Variants in SLC2A4 observed in about 807,000 individuals in gnomAD.
SLC2A4 encodes the protein solute carrier family 2, facilitated glucose transporter member 4.
In SLC2A4, 31 loss-of-function variants were observed where a neutral mutation model predicts 53.3. The observed-to-expected ratio is 0.58, with a 90% CI of 0.44 to 0.78. The LOEUF (loss-of-function observed/expected upper bound fraction) is 0.78. Among genes scored for constraint, SLC2A4 ranks in the 30% least tolerant of loss-of-function variants. SLC2A4 has a pLI of 0.00. For missense variants in SLC2A4, 538 were observed against 655.7 expected (o/e 0.82, Z 1.96); for synonymous variants, 276 against 281.9 (o/e 0.98, Z 0.21).
At position 7,284,190 on chromosome 17, in the gene SLC2A4, G is replaced by C; in HGVS notation, c.565-27G>C. 1 of 1,611,490 alleles carries C rather than the reference G, an allele frequency of 6.2e-7. No homozygotes were observed. The highest frequency in any genetic ancestry group is 8.5e-7 in the Non-Finnish European group (1 of 1,179,926). On this transcript the variant is annotated intron_variant, in intron 5 of 10. Transcript: ENST00000317370. This position sits in a 1 kb window ranked among gnomAD's most constrained non-coding sequence, Gnocchi z 7.5. ...GTAAGGCAGAAGGGCTGAGTGACCT[G>C]CCTTCTTTCCCAACCTTCTCCCACA...
rs1181303492 is a variant in SLC2A4, at chr17:7,287,528, G to A, written c.*899G>A. On this transcript the variant is annotated 3_prime_UTR_variant, in exon 11 of 11. Transcript: ENST00000317370. ...AACAGGAAAGTATGTGCCCATGTGT[G>A]GCAAGATGGAAGGACGGCAGGCTCC... 1 of 152,254 alleles carries A rather than the reference G, an allele frequency of 6.6e-6. No homozygotes were observed. The highest frequency in any genetic ancestry group is 2.4e-5 in the African/African-American group (1 of 41,456). 9.4% of individuals were successfully genotyped at this position (152,254 alleles called of 1,614,324 possible). A position where few individuals can be genotyped will look rare whatever the true frequency, so the allele number is the denominator to read the frequency against.
In SLC2A4 at chr17:7,284,083, C is replaced by A. The variant is rs145632483; in HGVS notation, c.558C>A (p.Ile186=). The change falls in exon 5 of 11, where the codon ATC becomes ATA. Residue 186 remains isoleucine (I), a synonymous_variant. Coordinates refer to ENST00000317370, the MANE Select transcript of SLC2A4 (RefSeq NM_001042.3). The surrounding 1 kb of genome is among the most constrained non-coding windows in gnomAD (Gnocchi z 7.5). ...NQLAIVIGIL[I]AQVLGLESLL... ...TGGCCATTGTTATCGGCATTCTGATCGCCCAGGTGACCGGAGCAAGCCTCA... is the reference window on the plus strand; with the variant it reads ...TGGCCATTGTTATCGGCATTCTGATAGCCCAGGTGACCGGAGCAAGCCTCA... 2.7e-5 allele frequency: 43 copies of A among 1,613,508 alleles called. No homozygotes were observed. The highest frequency in any genetic ancestry group is 3.6e-5 in the Non-Finnish European group (43 of 1,179,704).
rs1567602327 is a variant in SLC2A4, at chr17:7,284,715, G to C, written c.915+43G>C. On this transcript the variant is annotated intron_variant, in intron 7 of 10. Coordinates refer to ENST00000317370, the MANE Select transcript of SLC2A4 (RefSeq NM_001042.3). This position sits in a 1 kb window ranked among gnomAD's most constrained non-coding sequence, Gnocchi z 7.5. ...TCCAGGCAGGGCACAGCCCCGGGAG[G>C]GTAGACGAGAGTGGGGAGCAAACCC... The C allele has an allele frequency of 1.9e-6, 3 of 1,612,394 alleles. 1 individual carries two copies. In the South Asian group the frequency reaches 3.3e-5, roughly 18 times the overall value.
rs1445615070 is a variant in SLC2A4, at chr17:7,281,874, G to A, written c.-61G>A. On this transcript the variant is annotated 5_prime_UTR_variant, in exon 1 of 11. Transcript: ENST00000317370. ...TTCTGCGCTCCAGGCCGGAGTCAGA[G>A]ACTCCAGGATCGGTTCTTTCATCTT... 5 of 1,549,064 alleles carry A rather than the reference G, an allele frequency of 3.2e-6. No individual in the cohort carries two copies. In the East Asian group the frequency reaches 1.2e-4, roughly 37 times the overall value.
rs1320081767 is a variant in SLC2A4, at chr17:7,285,090, G to A, written c.1023G>A (p.Val341=). ...TCAAGCTCCGACTCTCCCCGCAGGT[G>A]TTGTTGGTGGAGCGGGCGGGGCGCC... The part of the protein sequence containing the change: ...VVNTVFTLVS[V]LLVERAGRRT... The change falls in exon 9 of 11, where the codon GTG becomes GTA. Residue 341 remains valine, a splice_region_variant and synonymous_variant. Coordinates refer to ENST00000317370, the MANE Select transcript of SLC2A4 (RefSeq NM_001042.3). This position sits in a 1 kb window ranked among gnomAD's most constrained non-coding sequence, Gnocchi z 6.0. 1.9e-6 allele frequency: 3 copies of A among 1,606,962 alleles called. No individual in the cohort carries two copies. The highest frequency in any genetic ancestry group is 2.2e-5 in the South Asian group (2 of 90,444).
At position 7,285,709 on chromosome 17, in the gene SLC2A4, G is replaced by A. The variant is rs778451601; in HGVS notation, c.1127G>A (p.Arg376Gln). 2.6e-5 allele frequency: 42 copies of A among 1,614,056 alleles called. No individual in the cohort carries two copies. The highest frequency in any genetic ancestry group is 1.8e-4 in the East Asian group (8 of 44,896). The change falls in exon 10 of 11, where the codon CGA (arginine) becomes CAA (glutamine). Residue 376 changes from arginine to glutamine, a missense_variant. By Grantham distance (43) the Arg-to-Gln change is conservative (BLOSUM62 1). Coordinates refer to ENST00000317370, the MANE Select transcript of SLC2A4 (RefSeq NM_001042.3). The surrounding 1 kb of genome is among the most constrained non-coding windows in gnomAD (Gnocchi z 6.0). ...CCCTCCCTGTCTGGCCCCTAGGAGC[G>A]AGTTCCAGCCATGAGCTACGTCTCC... ...LMTVALLLLE[R>Q]VPAMSYVSIV...
rs2072425135 is a variant in SLC2A4, at chr17:7,283,916, T to C, written c.448+54T>C. The stretch of plus-strand genomic sequence containing the variant: ...GCGCCCTGTTCTCTTTCACCATGCC[T>C]GGGCTTTCAGATGGGAATGGACACC... On this transcript the variant is annotated intron_variant, in intron 4 of 10. Transcript: ENST00000317370. The surrounding 1 kb of genome is among the most constrained non-coding windows in gnomAD (Gnocchi z 5.8). 2 of 1,613,818 alleles carry C rather than the reference T, an allele frequency of 1.2e-6. No individual in the cohort carries two copies. Among genetic ancestry groups the C allele is most frequent in the South Asian group, 1.1e-5 (1 of 91,080 alleles).
At position 7,284,443 on chromosome 17, in the gene SLC2A4, CT is replaced by C. The variant is rs753016766; in HGVS notation, c.728-40del. 65 of 1,613,898 alleles carry C rather than the reference CT, an allele frequency of 4.0e-5. 1 individual carries two copies. The South Asian group carries it at 6.4e-4, about 16-fold the overall frequency. ...TCCGCCTCATCTTGCTAGCACCTGG[CT>C]TCCTCTCAGGTCCCCTCAGGCCTGA... On this transcript the variant is annotated intron_variant, in intron 6 of 10. Transcript: ENST00000317370. The surrounding 1 kb of genome is among the most constrained non-coding windows in gnomAD (Gnocchi z 7.5).
chr17:7,283,019 G>T lies in SLC2A4; in HGVS notation c.34-226G>T. 1 of 569,830 alleles carries T rather than the reference G, an allele frequency of 1.8e-6. No homozygotes were observed. The highest frequency in any genetic ancestry group is 1.8e-5 in the South Asian group (1 of 54,162). 35.3% of individuals were successfully genotyped at this position (569,830 alleles called of 1,614,324 possible). On this transcript the variant is annotated intron_variant, in intron 1 of 10. Transcript: ENST00000317370. The surrounding 1 kb of genome is among the most constrained non-coding windows in gnomAD (Gnocchi z 5.8). ...GAGACAAGTTCTCAAACATTTCTCT[G>T]CCTTATGGACCCAAACATCCAGTTT...
Position 7,283,967 on chromosome 17 carries a change from C to T in SLC2A4, c.449-7C>T, listed in dbSNP as rs373398327. ...TGCCCTCAGCCCTCTCTTCTTCCCT[C>T]GCCCAGGGCTGACATCAGGGCTGGT... On this transcript the variant is annotated splice_region_variant and splice_polypyrimidine_tract_variant and intron_variant, in intron 4 of 10. Coordinates refer to ENST00000317370, the MANE Select transcript of SLC2A4 (RefSeq NM_001042.3). This position sits in a 1 kb window ranked among gnomAD's most constrained non-coding sequence, Gnocchi z 5.8. The T allele has an allele frequency of 2.5e-6, 4 of 1,613,226 alleles. No homozygotes were observed. The highest frequency in any genetic ancestry group is 3.4e-6 in the Non-Finnish European group (4 of 1,179,362).
Position 7,281,908 on chromosome 17 carries a change from C to G in SLC2A4, c.-27C>G, listed in dbSNP as rs751290934. On this transcript the variant is annotated 5_prime_UTR_variant, in exon 1 of 11. Coordinates refer to ENST00000317370, the MANE Select transcript of SLC2A4 (RefSeq NM_001042.3). The stretch of plus-strand genomic sequence containing the variant: ...ATCGGTTCTTTCATCTTCGCCGCCC[C>G]TGCGCGTCCAGCTCTTCTAAGACGA... The G allele has an allele frequency of 1.3e-6, 2 of 1,593,424 alleles. No individual in the cohort carries two copies. Among genetic ancestry groups the G allele is most frequent in the Admixed American group, 3.5e-5 (2 of 57,866 alleles).
In SLC2A4 at chr17:7,282,806, T is replaced by C. The variant is rs184299474; in HGVS notation, c.34-439T>C. On this transcript the variant is annotated intron_variant, in intron 1 of 10. Transcript: ENST00000317370. This position sits in a 1 kb window ranked among gnomAD's most constrained non-coding sequence, Gnocchi z 4.1. ...ACGTGTTAATTTATGAAACCAGCAC[T>C]GTCAAGGATATTGTTAACATGTGAT... 1.7e-5 allele frequency: 6 copies of C among 343,174 alleles called. No individual in the cohort carries two copies. Among genetic ancestry groups the C allele is most frequent in the Non-Finnish European group, 1.1e-5 (2 of 174,454 alleles). 21.3% of individuals were successfully genotyped at this position (343,174 alleles called of 1,614,324 possible). A position where few individuals can be genotyped will look rare whatever the true frequency, so the allele number is the denominator to read the frequency against.
Position 7,282,800 on chromosome 17 carries a change from C to T in SLC2A4, c.34-445C>T, listed in dbSNP as rs2072413697. 1 of 340,622 alleles carries T rather than the reference C, an allele frequency of 2.9e-6. No homozygotes were observed. Among genetic ancestry groups the T allele is most frequent in the Non-Finnish European group, 5.8e-6 (1 of 173,182 alleles). 21.1% of individuals were successfully genotyped at this position (340,622 alleles called of 1,614,324 possible). ...TAATGCACGTGTTAATTTATGAAAC[C>T]AGCACTGTCAAGGATATTGTTAACA... On this transcript the variant is annotated intron_variant, in intron 1 of 10. Transcript: ENST00000317370. The surrounding 1 kb of genome is among the most constrained non-coding windows in gnomAD (Gnocchi z 4.1).
At position 7,281,757 on chromosome 17, in the gene SLC2A4, C is replaced by A; in HGVS notation, c.-178C>A. On this transcript the variant is annotated 5_prime_UTR_variant, in exon 1 of 11. Coordinates refer to ENST00000317370, the MANE Select transcript of SLC2A4 (RefSeq NM_001042.3). ...CCCCGCTCCACCAGATCCGCGGGAGCCCCACTGCTCTCCGGGTCCTTGGCT... is the reference window on the plus strand; with the variant it reads ...CCCCGCTCCACCAGATCCGCGGGAGACCCACTGCTCTCCGGGTCCTTGGCT... 4.5e-6 allele frequency: 3 copies of A among 670,692 alleles called. No individual in the cohort carries two copies. Among genetic ancestry groups the A allele is most frequent in the South Asian group, 3.3e-5 (2 of 60,220 alleles). The allele number at this position is 670,692 out of a possible 1,614,324, so 41.5% of individuals were successfully genotyped here.
chr17:7,285,974 C>T lies in SLC2A4; in HGVS notation c.1326+66C>T, dbSNP rs1178203161. 2 of 1,468,500 alleles carry T rather than the reference C, an allele frequency of 1.4e-6. No homozygotes were observed. The highest frequency in any genetic ancestry group is 2.5e-5 in the South Asian group (2 of 80,486). 91.0% of individuals were successfully genotyped at this position (1,468,500 alleles called of 1,614,324 possible). On this transcript the variant is annotated intron_variant, in intron 10 of 10. Coordinates refer to ENST00000317370, the MANE Select transcript of SLC2A4 (RefSeq NM_001042.3). This position sits in a 1 kb window ranked among gnomAD's most constrained non-coding sequence, Gnocchi z 6.0. ...GGTGGGCATCACACAGCTAGCCCAC[C>T]TGCTTCCCCGTCAGGGACTCCTCCA...
Position 7,283,266 on chromosome 17 carries a change from C to T in SLC2A4, c.55C>T (p.Arg19Ter), listed in dbSNP as rs139011011. 6.2e-7 allele frequency: 1 copy of T among 1,614,024 alleles called. No individual in the cohort carries two copies. The highest frequency in any genetic ancestry group is 1.1e-5 in the South Asian group (1 of 91,080). The change falls in exon 2 of 11, where the codon CGA becomes TGA. Residue 19 changes from arginine to a stop codon, truncating the protein, a stop_gained. Coordinates refer to ENST00000317370, the MANE Select transcript of SLC2A4 (RefSeq NM_001042.3). LOFTEE classifies it high-confidence loss of function. The surrounding 1 kb of genome is among the most constrained non-coding windows in gnomAD (Gnocchi z 5.8). ...GSEDGEPPQQ[R>*]VTGTLVLAVF... ...TCAGGATGGGGAACCCCCTCAGCAG[C>T]GAGTGACTGGGACCCTGGTCCTTGC...
rs1597600503 is a variant in SLC2A4 at position 7,285,349 on chromosome 17, A to G, written c.1122+160A>G. On this transcript the variant is annotated intron_variant, in intron 9 of 10. Transcript: ENST00000317370. This position sits in a 1 kb window ranked among gnomAD's most constrained non-coding sequence, Gnocchi z 6.0. ...CTGACTGGCTCCAGAATCTGCTGGG[A>G]TTGTGGTCTGCTCCTGAGGGATTTG... 1.3e-5 allele frequency among the ~76,000 whole-genome samples: 2 copies of G among 152,022 alleles called. No homozygotes were observed. Among genetic ancestry groups the G allele is most frequent in the African/African-American group, 4.8e-5 (2 of 41,376 alleles).
In SLC2A4 at chr17:7,283,551, C is replaced by G; in HGVS notation, c.229C>G (p.Leu77Val). The change falls in exon 3 of 11, where the codon CTC becomes GTC. Residue 77 changes from leucine to valine, a missense_variant. Coordinates refer to ENST00000317370, the MANE Select transcript of SLC2A4 (RefSeq NM_001042.3). The surrounding 1 kb of genome is among the most constrained non-coding windows in gnomAD (Gnocchi z 5.8). ...EGPSSIPPGTLTTLWALSVAI... is the reference protein window; with the variant it reads ...EGPSSIPPGTVTTLWALSVAI... ...ACCCAGCTCCATCCCTCCAGGCACC[C>G]TCACCACCCTCTGGGCCCTCTCCGT... 1 of 1,613,916 alleles carries G rather than the reference C, an allele frequency of 6.2e-7. No individual in the cohort carries two copies. The highest frequency in any genetic ancestry group is 8.5e-7 in the Non-Finnish European group (1 of 1,179,966).
At chr17:7,286,405 C>T (rs1227834994) in intron 10 of SLC2A4, 21 bp from the exon 11 acceptor site, 1 of 1,610,658 alleles carries the variant, frequency 6.2e-7, no homozygotes, top group East Asian at 2.2e-5. Context: ...CCGTCAACAC[C>T]TCTTTCTCCA....
Sources: allele counts gnomAD v4.1 joint callset (sites outside exome capture counted in the v4.1 genomes callset), GRCh38; gene constraint gnomAD v4.1.1; non-coding constraint Gnocchi (gnomAD v3.1); transcripts MANE v1.5; gene names NCBI Gene and HGNC (gene_info 2026-07-23, HGNC 2026-07-21).